The following VAPA variants were observed in gnomAD, a reference collection of about 807,000 sequenced individuals.
VAPA encodes vesicle-associated membrane protein-associated protein A.
Under a neutral mutation model 25.6 loss-of-function variants are expected in VAPA, and 6 were observed. That is an observed-to-expected ratio of 0.23 (90% CI 0.13 to 0.46). VAPA has a LOEUF of 0.46. Among genes scored for constraint, VAPA ranks in the 20% least tolerant of loss-of-function variants. The pLI, the probability that VAPA is intolerant of heterozygous loss-of-function variation, is 0.99. For synonymous variants in VAPA, 112 were observed against 106.2 expected, an observed-to-expected ratio of 1.05 and a Z score of -0.34; for missense variants, 244 against 302.1, an observed-to-expected ratio of 0.81 and a Z score of 1.43.
chr18:9,920,154 AT>A (rs1459967006), intron 1 of VAPA, among the ~76,000 whole-genome samples: 1 of 152,140 alleles, frequency 6.6e-6, no homozygotes, highest in Non-Finnish European at 1.5e-5. Context: ...TATGGTAGAT[AT>A]GTTTAGGTCT....
At chr18:9,946,362 T>C (rs936680989) in intron 4 of VAPA, among the ~76,000 whole-genome samples, 4 of 152,216 alleles carry the variant, frequency 2.6e-5, no homozygotes, top group African/African-American at 9.6e-5. Context: ...CAATCTACAC[T>C]GAGCTTATTC....
intron 1 of VAPA, among the ~76,000 whole-genome samples, chr18:9,919,629 A>G (rs1010880903): frequency 6.6e-6 from 1 of 152,362 alleles, no homozygotes; most frequent in Non-Finnish European, 1.5e-5. Context: ...TGCATGTTCA[A>G]ATATCCGGTA....
intron 1 of VAPA, 198 bp downstream of exon 1, chr18:9,914,533 C>T (rs1327684124): frequency 1.3e-5 from 4 of 311,412 alleles, no homozygotes; most frequent in African/African-American, 4.4e-5. Flanking sequence ...CGCTTCATCC[C>T]CTCCCGCCCG....
chr18:9,955,744 G>A lies in VAPA; in HGVS notation c.*1533G>A, dbSNP rs938948345. On this transcript the variant is annotated 3_prime_UTR_variant, in exon 6 of 6. Coordinates refer to ENST00000400000, the MANE Select transcript of VAPA (RefSeq NM_194434.3). ...GAATTTGTCAGATCACACATATATTGTGTTATTGGGCGCTGTGGTATCTTT... is the reference window on the plus strand; with the variant it reads ...GAATTTGTCAGATCACACATATATTATGTTATTGGGCGCTGTGGTATCTTT... 1 of 152,140 alleles carries A rather than the reference G, an allele frequency of 6.6e-6. No individual in the cohort carries two copies. Among genetic ancestry groups the A allele is most frequent in the African/African-American group, 2.4e-5 (1 of 41,424 alleles). 9.4% of individuals were successfully genotyped at this position (152,140 alleles called of 1,614,324 possible). A position where few individuals can be genotyped will look rare whatever the true frequency, so the allele number is the denominator to read the frequency against.
chr18:9,935,189 CTTTTG>C (rs1274401011), intron 2 of VAPA, among the ~76,000 whole-genome samples: 2 of 151,428 alleles, frequency 1.3e-5, no homozygotes, highest in African/African-American at 4.9e-5. Flanking sequence ...TCCTTGTGTA[CTTTTG>C]TTTTCTTAGA....
Position 9,914,075 on chromosome 18 carries a change from C to T in VAPA, c.-182C>T, listed in dbSNP as rs1323464378. ...TGTGGGGTTGAGTCAGTTGTGGGAC[C>T]CGGAGCTGCTGACCCAGCGGGTGGC... On this transcript the variant is annotated 5_prime_UTR_variant, in exon 1 of 6. Coordinates refer to ENST00000400000, the MANE Select transcript of VAPA (RefSeq NM_194434.3). 2 of 531,922 alleles carry T rather than the reference C, an allele frequency of 3.8e-6. No individual in the cohort carries two copies. Among genetic ancestry groups the T allele is most frequent in the East Asian group, 7.2e-5 (2 of 27,790 alleles). 33.0% of individuals were successfully genotyped at this position (531,922 alleles called of 1,614,324 possible).
chr18:9,937,333 G>A (rs1599108758), intron 4 of VAPA, among the ~76,000 whole-genome samples: 3 of 147,422 alleles, frequency 2.0e-5, no homozygotes, highest in Admixed American at 1.4e-4. Context: ...CAGATTTTTT[G>A]TGACGTAAAC....
chr18:9,924,936 C>G (rs1157405625), intron 1 of VAPA: 1 of 151,486 alleles, frequency 6.6e-6, no homozygotes, highest in Non-Finnish European at 1.5e-5. Flanking sequence ...AAATGAGCAT[C>G]TCCCTTGCCC....
intron 1 of VAPA, among the ~76,000 whole-genome samples, chr18:9,917,734 T>C (rs2069123720): frequency 2.6e-5 from 4 of 152,074 alleles, no homozygotes; most frequent in Admixed American, 2.6e-4. Context: ...CAAAGAAAAT[T>C]AAGCTCTCTG....
At chr18:9,934,994 C>G (rs2069293511) in intron 2 of VAPA, among the ~76,000 whole-genome samples, 1 of 150,372 alleles carries the variant, frequency 6.7e-6, no homozygotes, top group Admixed American at 6.7e-5. Context: ...ACTCGGGAGG[C>G]TGAGGCAGGA....
intron 4 of VAPA, among the ~76,000 whole-genome samples, chr18:9,943,790 A>G (rs980373641): frequency 2.5e-5 from 3 of 120,636 alleles, no homozygotes; most frequent in African/African-American, 9.0e-5. Context: ...TCTTAAATGT[A>G]TTGCATTTCA....
rs1376912854 is a variant in VAPA at position 9,936,080 on chromosome 18, A to G, written c.233-30A>G. The G allele has an allele frequency of 1.7e-5, 25 of 1,493,178 alleles. No individual in the cohort carries two copies. In the East Asian group the frequency reaches 5.6e-4, roughly 33 times the overall value. 92.5% of individuals were successfully genotyped at this position (1,493,178 alleles called of 1,614,324 possible). A position where few individuals can be genotyped will look rare whatever the true frequency, so the allele number is the denominator to read the frequency against. On this transcript the variant is annotated intron_variant, in intron 2 of 5. Coordinates refer to ENST00000400000, the MANE Select transcript of VAPA (RefSeq NM_194434.3). ...TATGTCTTTCAGACATGCAGGAGAC[A>G]ATATAATATATCCTTTTTTTCTTAT...
At position 9,956,199 on chromosome 18, in the gene VAPA, C is replaced by T. The variant is rs1400376855; in HGVS notation, c.*1988C>T. The T allele has an allele frequency of 6.6e-6, 1 of 152,168 alleles. No homozygotes were observed. The highest frequency in any genetic ancestry group is 1.9e-4 in the East Asian group (1 of 5,194). 9.4% of individuals were successfully genotyped at this position (152,168 alleles called of 1,614,324 possible). A position where few individuals can be genotyped will look rare whatever the true frequency, so the allele number is the denominator to read the frequency against. On this transcript the variant is annotated 3_prime_UTR_variant, in exon 6 of 6. Transcript: ENST00000400000. ...TTAAGAGAACTTTCCCCGTGTCTCACAGGTAGGTAGAGGCAGAGCTGGAAC... is the reference window on the plus strand; with the variant it reads ...TTAAGAGAACTTTCCCCGTGTCTCATAGGTAGGTAGAGGCAGAGCTGGAAC...
chr18:9,920,052 ATGG>A (rs752664498), intron 1 of VAPA, among the ~76,000 whole-genome samples: 28 of 152,082 alleles, frequency 1.8e-4, no homozygotes, highest in East Asian at 1.2e-3. Flanking sequence ...AACTGGGGAA[ATGG>A]TGGTGCTATT....
chr18:9,937,419 T>A (rs535323900), intron 4 of VAPA, among the ~76,000 whole-genome samples: 1 of 152,314 alleles, frequency 6.6e-6, no homozygotes, highest in South Asian at 2.1e-4. Context: ...TTGGCCACTA[T>A]GTACCGGCAG....
chr18:9,925,609 A>G (rs796449324), intron 1 of VAPA, among the ~76,000 whole-genome samples: 8 of 152,230 alleles, frequency 5.3e-5, no homozygotes, highest in Non-Finnish European at 7.4e-5. Context: ...AGACCTATTC[A>G]TGGAGCTTAC....
intron 1 of VAPA, among the ~76,000 whole-genome samples, chr18:9,928,901 G>A (rs889006011): frequency 1.3e-5 from 2 of 152,124 alleles, no homozygotes. Context: ...AGTTATCCGA[G>A]TAGTACTGAC....
intron 4 of VAPA, among the ~76,000 whole-genome samples, chr18:9,940,166 A>G (rs998376563): frequency 8.5e-5 from 13 of 152,100 alleles, no homozygotes; most frequent in Non-Finnish European, 1.9e-4. Flanking sequence ...GCTTGCTTCT[A>G]TATTGATAAA....
At chr18:9,940,724 T>G (rs2069358616) in intron 4 of VAPA, among the ~76,000 whole-genome samples, 1 of 152,228 alleles carries the variant, frequency 6.6e-6, no homozygotes, top group African/African-American at 2.4e-5. Context: ...TAAATACAGC[T>G]TATGACTTTG....
Sources: allele counts gnomAD v4.1 joint callset (sites outside exome capture counted in the v4.1 genomes callset), GRCh38; gene constraint gnomAD v4.1.1; transcripts MANE v1.5; gene names NCBI Gene and HGNC (gene_info 2026-07-23, HGNC 2026-07-21).